Variants in ANKS1B observed in about 807,000 individuals in gnomAD.
ANKS1B encodes ankyrin repeat and sterile alpha motif domain containing 1B.
ANKS1B carries 36 observed loss-of-function variants against 148.3 expected under a neutral mutation model. The ratio of observed to expected loss-of-function variants is 0.24; its 90% CI spans 0.19 to 0.32. The LOEUF (loss-of-function observed/expected upper bound fraction) is 0.32, where lower values mean the gene tolerates loss of function less well. ANKS1B is among the 10% of genes least tolerant of loss of function. ANKS1B has a pLI of 1.00. For missense variants in ANKS1B, 1,157 were observed against 1,542.6 expected, an observed-to-expected ratio of 0.75 and a Z score of 4.19; for synonymous variants, 542 against 560.8, an observed-to-expected ratio of 0.97 and a Z score of 0.47.
At chr12:99,858,087 A>G (rs2089467314) in intron 1 of ANKS1B, among the ~76,000 whole-genome samples, 2 of 152,268 alleles carry the variant, frequency 1.3e-5, no homozygotes, top group Non-Finnish European at 2.9e-5. Context: ...TAATCATCAG[A>G]GAAAAGTGAC....
At chr12:99,335,630 T>C (rs1041323635) in intron 12 of ANKS1B, among the ~76,000 whole-genome samples, 4 of 152,128 alleles carry the variant, frequency 2.6e-5, no homozygotes, top group African/African-American at 9.7e-5. Flanking sequence ...TTATTTCTAT[T>C]AACATAATGT....
At chr12:99,234,793 A>C (rs143144769) in intron 14 of ANKS1B, among the ~76,000 whole-genome samples, 1 of 152,050 alleles carries the variant, frequency 6.6e-6, no homozygotes, top group East Asian at 1.9e-4. Flanking sequence ...TGATTTACCA[A>C]CCACACTCAG....
chr12:99,783,188 C>G (rs1235043523), intron 4 of ANKS1B, among the ~76,000 whole-genome samples: 36 of 138,448 alleles, frequency 2.6e-4, no homozygotes, highest in Admixed American at 6.7e-4. Flanking sequence ...GAGAATCCAT[C>G]GCAAAAAAAA....
intron 14 of ANKS1B, among the ~76,000 whole-genome samples, chr12:99,160,176 T>C (rs1049479446): frequency 1.4e-4 from 22 of 152,288 alleles, no homozygotes; most frequent in African/African-American, 5.3e-4. Flanking sequence ...CTGTAGGTTA[T>C]CTTTTTACTC....
intron 12 of ANKS1B, among the ~76,000 whole-genome samples, chr12:99,387,800 C>G (rs953494116): frequency 6.6e-6 from 1 of 151,758 alleles, no homozygotes; most frequent in Non-Finnish European, 1.5e-5. Flanking sequence ...ACCCAGTTTA[C>G]GGTATTTTGT....
intron 9 of ANKS1B, among the ~76,000 whole-genome samples, chr12:99,606,263 A>T (rs188983579): frequency 2.0e-5 from 3 of 152,056 alleles, no homozygotes; most frequent in East Asian, 3.9e-4. Context: ...ATAGTTTACA[A>T]ATGTTTTTTG....
intron 1 of ANKS1B, among the ~76,000 whole-genome samples, chr12:99,907,812 TAAAAAAAAA>T (rs751468199): frequency 1.1e-3 from 112 of 100,154 alleles, no homozygotes; most frequent in Non-Finnish European, 1.5e-3. Context: ...GAGAAATTCT[TAAAAAAAAA>T]AAAAAAAAAA....
At chr12:98,849,511 T>C (rs1474669593) in intron 17 of ANKS1B, among the ~76,000 whole-genome samples, 2 of 152,210 alleles carry the variant, frequency 1.3e-5, no homozygotes, top group Non-Finnish European at 1.5e-5. Context: ...GGTGGTTTTA[T>C]GAAGCACTTG....
At chr12:98,932,619 A>G (rs1049966210) in intron 17 of ANKS1B, among the ~76,000 whole-genome samples, 35 of 152,210 alleles carry the variant, frequency 2.3e-4, no homozygotes, top group Non-Finnish European at 1.0e-4. Flanking sequence ...ATAATACCAA[A>G]TAACATCAAA....
chr12:99,178,434 T>A (rs1463316416), intron 14 of ANKS1B, among the ~76,000 whole-genome samples: 1 of 152,198 alleles, frequency 6.6e-6, no homozygotes, highest in South Asian at 2.1e-4. Flanking sequence ...TTAACACACA[T>A]GCTTTCTTAT....
intron 8 of ANKS1B, among the ~76,000 whole-genome samples, chr12:99,764,017 T>C (rs1352234858): frequency 2.0e-5 from 3 of 152,190 alleles, no homozygotes; most frequent in Admixed American, 6.6e-5. Context: ...ATTTGAAAAA[T>C]CACCCAACAG....
Position 99,008,969 on chromosome 12 carries a change from C to G in ANKS1B, c.2778+44188G>C, listed in dbSNP as rs77975866. 6.1e-3 allele frequency among the ~76,000 whole-genome samples: 931 copies of G among 152,242 alleles called. 9 individuals carry two copies. Among genetic ancestry groups the G allele is most frequent in the African/African-American group, 0.021 (889 of 41,558 alleles). On this transcript the variant is annotated intron_variant, in intron 17 of 26. Coordinates refer to ENST00000683438, the MANE Select transcript of ANKS1B (RefSeq NM_001352186.2). ...AAGAATGTTTGCTAGTATCTGGACC[C>G]CAAAGGATTACACAGGATGCTGGAG...
At chr12:99,523,299 T>C (rs558981096) in intron 9 of ANKS1B, among the ~76,000 whole-genome samples, 61 of 152,076 alleles carry the variant, frequency 4.0e-4, no homozygotes, top group Non-Finnish European at 7.9e-4. Context: ...TGAGAAAAGA[T>C]TAAATAAGAA....
At chr12:99,100,810 G>A (rs1032698846) in intron 15 of ANKS1B, among the ~76,000 whole-genome samples, 4 of 152,314 alleles carry the variant, frequency 2.6e-5, no homozygotes, top group South Asian at 2.1e-4. Flanking sequence ...GATTACAGGC[G>A]TCAGCCACTG....
intron 1 of ANKS1B, among the ~76,000 whole-genome samples, chr12:99,895,851 C>T (rs941828106): frequency 4.0e-5 from 6 of 151,418 alleles, no homozygotes; most frequent in African/African-American, 1.4e-4. Flanking sequence ...CAAGAGCAGG[C>T]AGGACTCTGG....
Position 99,572,785 on chromosome 12 carries a change from T to C in ANKS1B, c.1273-68144A>G, listed in dbSNP as rs191345898. Among the ~76,000 whole-genome samples the C allele has an allele frequency of 3.1e-3, 469 of 152,182 alleles. 1 individual carries two copies. The highest frequency in any genetic ancestry group is 4.8e-3 in the Non-Finnish European group (328 of 67,922). On this transcript the variant is annotated intron_variant, in intron 9 of 26. Transcript: ENST00000683438. Reference sequence around the variant, plus strand: ...TTTTTGTAAATTATAATAATTCCCATATCTGTGATAATAATAGCAACTACA... The same window carrying C: ...TTTTTGTAAATTATAATAATTCCCACATCTGTGATAATAATAGCAACTACA...
rs572111331 is a variant in ANKS1B, at chr12:99,355,985, G to T, written c.1756+43646C>A. Among the ~76,000 whole-genome samples the T allele has an allele frequency of 5.3e-5, 8 of 152,066 alleles. No individual in the cohort carries two copies. In the East Asian group the frequency reaches 1.5e-3, roughly 29 times the overall value. ...TATAAAATCCAGGGTCTAATCAGAG[G>T]ACAGAAACTACAATAATTGAACAGG... On this transcript the variant is annotated intron_variant, in intron 12 of 26. Coordinates refer to ENST00000683438, the MANE Select transcript of ANKS1B (RefSeq NM_001352186.2).
intron 2 of ANKS1B, among the ~76,000 whole-genome samples, chr12:99,817,829 C>A (rs867334207): frequency 6.6e-6 from 1 of 151,784 alleles, no homozygotes; most frequent in Middle Eastern, 3.4e-3. Context: ...TGTCTATAAT[C>A]GTTTGCCCAT....
intron 14 of ANKS1B, among the ~76,000 whole-genome samples, chr12:99,185,183 G>C (rs910524613): frequency 1.3e-5 from 2 of 152,154 alleles, no homozygotes; most frequent in Admixed American, 1.3e-4. Context: ...ATCATTGACT[G>C]ATTCTTCAGA....
Sources: gnomAD v4.1 joint callset for allele counts (sites outside exome capture counted in the v4.1 genomes callset) on GRCh38, gnomAD v4.1.1 for gene constraint, MANE v1.5 for transcripts, NCBI Gene and HGNC (gene_info 2026-07-23, HGNC 2026-07-21) for gene names.